Variants in KTN1 observed in about 807,000 individuals in gnomAD.
KTN1 encodes kinectin 1.
Under a neutral mutation model 222.5 loss-of-function variants are expected in KTN1, and 130 were observed. That is an observed-to-expected ratio of 0.58 (90% CI 0.51 to 0.68). The LOEUF (loss-of-function observed/expected upper bound fraction) is 0.68. Ranked by LOEUF, KTN1 falls within the 30% of genes least tolerant of loss-of-function variation. KTN1 has a pLI of 0.00. For missense variants in KTN1, 1,508 were observed against 1,500.4 expected, an observed-to-expected ratio of 1.01 and a Z score of -0.08; for synonymous variants, 512 against 496.3, an observed-to-expected ratio of 1.03 and a Z score of -0.42.
At chr14:55,606,343 G>T (rs1002499577) in intron 1 of KTN1, among the ~76,000 whole-genome samples, 2 of 151,736 alleles carry the variant, frequency 1.3e-5, no homozygotes, top group South Asian at 4.2e-4. Flanking sequence ...TACTGTTTTT[G>T]TTTTTTTCAA....
At chr14:55,616,734 C>T (rs1214281366) in intron 3 of KTN1, 80 bp downstream of exon 3, 7 of 1,113,794 alleles carry the variant, frequency 6.3e-6, no homozygotes, top group Non-Finnish European at 2.6e-6. Context: ...ATCTCACACG[C>T]TCTTTAGCTC....
intron 34 of KTN1, among the ~76,000 whole-genome samples, chr14:55,670,241 C>T (rs2296182): frequency 0.34 from 51,180 of 151,800 alleles, 8,657 homozygotes; most frequent in South Asian, 0.37. Flanking sequence ...AGCATTTTCA[C>T]AGAATTTGAA....
At chr14:55,608,760 G>A (rs537863956) in intron 1 of KTN1, among the ~76,000 whole-genome samples, 1 of 151,990 alleles carries the variant, frequency 6.6e-6, no homozygotes, top group Admixed American at 6.6e-5. Flanking sequence ...CTCCTGAGTA[G>A]CTGGGATTAC....
In KTN1 at chr14:55,619,176, A is replaced by T; in HGVS notation, c.833-6A>T. On this transcript the variant is annotated splice_polypyrimidine_tract_variant and splice_region_variant and intron_variant, in intron 4 of 43. Transcript: ENST00000395314. ...CTCTTTGTTTGTTTGTTTTTTTCAA[A>T]TTAAGAAAATGCTGAAGTGAAGTTT... 1 of 1,596,860 alleles carries T rather than the reference A, an allele frequency of 6.3e-7. No homozygotes were observed. Among genetic ancestry groups the T allele is most frequent in the Non-Finnish European group, 8.6e-7 (1 of 1,169,308 alleles).
At chr14:55,669,581 A>G (rs867107531) in intron 34 of KTN1, among the ~76,000 whole-genome samples, 4 of 152,000 alleles carry the variant, frequency 2.6e-5, no homozygotes, top group African/African-American at 2.4e-5. Context: ...TGAGCAGTCA[A>G]CATAGGAGAG....
intron 8 of KTN1, among the ~76,000 whole-genome samples, 197 bp from the exon 9 acceptor site, chr14:55,634,329 G>A (rs1275307557): frequency 6.6e-6 from 1 of 152,118 alleles, no homozygotes; most frequent in African/African-American, 2.4e-5. Flanking sequence ...AGTGATTTTA[G>A]AATTTGAATA....
chr14:55,675,863 C>G lies in KTN1; in HGVS notation c.3800C>G (p.Thr1267Arg), dbSNP rs144185200. 1.9e-6 allele frequency: 3 copies of G among 1,612,914 alleles called. No homozygotes were observed. The highest frequency in any genetic ancestry group is 1.3e-5 in the African/African-American group (1 of 74,992). Residue 1267 changes from threonine to arginine, a missense_variant, in exon 41 of 44, where the codon ACA (threonine) becomes AGA (arginine). Physicochemically the swap from Thr to Arg is moderately conservative, Grantham distance 71 (BLOSUM62 -1). Coordinates refer to ENST00000395314, the MANE Select transcript of KTN1 (RefSeq NM_001079521.2). ...LLKAQLNETL[T>R]KLRTEQNERQ... ...AAGGCACAGTTAAATGAAACACTCA[C>G]AAAACTTAGAACTGAACAAAATGAA...
intron 1 of KTN1, among the ~76,000 whole-genome samples, chr14:55,609,911 A>G (rs896461413): frequency 6.6e-6 from 1 of 152,168 alleles, no homozygotes; most frequent in Non-Finnish European, 1.5e-5. Flanking sequence ...CTTTTAAAGC[A>G]TTCCTGGTTG....
chr14:55,644,163 C>T (rs770140940), intron 18 of KTN1: 28 of 421,592 alleles, frequency 6.6e-5, no homozygotes, highest in Non-Finnish European at 1.1e-4. Flanking sequence ...GGCTTTTCCT[C>T]TAGTCGTTTT....
rs765431987 is a variant in KTN1 at position 55,684,116 on chromosome 14, A to G, written c.*13A>G. 1 of 1,600,100 alleles carries G rather than the reference A, an allele frequency of 6.2e-7. No homozygotes were observed. The highest frequency in any genetic ancestry group is 1.1e-5 in the South Asian group (1 of 89,378). ...TTTTACAGAGTGAAGTAATTGGGAAACTGTTCATTTGAGGATAAAAAAGGC... is the reference window on the plus strand; with the variant it reads ...TTTTACAGAGTGAAGTAATTGGGAAGCTGTTCATTTGAGGATAAAAAAGGC... On this transcript the variant is annotated 3_prime_UTR_variant, in exon 44 of 44. Coordinates refer to ENST00000395314, the MANE Select transcript of KTN1 (RefSeq NM_001079521.2).
At chr14:55,583,533 A>G (rs1000909260) in intron 1 of KTN1, among the ~76,000 whole-genome samples, 2 of 152,176 alleles carry the variant, frequency 1.3e-5, no homozygotes, top group Non-Finnish European at 2.9e-5. Flanking sequence ...ACTAAATGTA[A>G]TTTGTTTGCA....
rs1016189135 is a variant in KTN1 at position 55,629,053 on chromosome 14, A to G, written c.1081-904A>G. ...CTTTAAAATTGCTTGGCTTTCATGT[A>G]CTTTGATAATTAATATTTGTTCTAG... On this transcript the variant is annotated intron_variant, in intron 6 of 43. Coordinates refer to ENST00000395314, the MANE Select transcript of KTN1 (RefSeq NM_001079521.2). 2.6e-5 allele frequency among the ~76,000 whole-genome samples: 4 copies of G among 152,286 alleles called. No homozygotes were observed. In the East Asian group the frequency reaches 7.7e-4, roughly 29 times the overall value.
intron 13 of KTN1, 115 bp from the exon 14 acceptor site, chr14:55,639,798 A>C: frequency 3.0e-6 from 2 of 663,590 alleles, no homozygotes; most frequent in Non-Finnish European, 5.4e-6. Context: ...GGCTATAGAA[A>C]TGGAAGGTAT....
Position 55,641,161 on chromosome 14 carries a change from G to C in KTN1, c.2056G>C (p.Glu686Gln). Residue 686 changes from glutamate to glutamine, a missense_variant, in exon 17 of 44, where the codon GAA (glutamate) becomes CAA (glutamine). Coordinates refer to ENST00000395314, the MANE Select transcript of KTN1 (RefSeq NM_001079521.2). ...YVKDDKIRLL[E>Q]EQLQHEISNK... Reference sequence around the variant, plus strand: ...TAAAGATGATAAAATAAGATTGCTGGAAGAGCAACTACAACATGAAATTTC... The same window carrying C: ...TAAAGATGATAAAATAAGATTGCTGCAAGAGCAACTACAACATGAAATTTC... 1.3e-6 allele frequency: 2 copies of C among 1,598,628 alleles called. No homozygotes were observed. Among genetic ancestry groups the C allele is most frequent in the Non-Finnish European group, 1.7e-6 (2 of 1,173,056 alleles).
chr14:55,639,305 T>C (rs998036906), intron 13 of KTN1, 83 bp downstream of exon 13: 8 of 979,386 alleles, frequency 8.2e-6, no homozygotes, highest in East Asian at 7.4e-5. Context: ...TGATTAACTT[T>C]ATACCTCTGA....
At chr14:55,663,383 G>T (rs545007394) in intron 32 of KTN1, 1 of 170,302 alleles carries the variant, frequency 5.9e-6, no homozygotes, top group African/African-American at 2.4e-5. Context: ...TGATCAACTA[G>T]CTCATACAAT....
At chr14:55,582,179 T>C (rs1161928492) in intron 1 of KTN1, among the ~76,000 whole-genome samples, 4 of 152,208 alleles carry the variant, frequency 2.6e-5, no homozygotes, top group Admixed American at 2.0e-4. Flanking sequence ...TAACTCTTAA[T>C]GATTCAGCGT....
chr14:55,678,663 C>A, intron 42 of KTN1: 1 of 468,064 alleles, frequency 2.1e-6, no homozygotes, highest in South Asian at 2.5e-5. Context: ...GTCCCCAATT[C>A]CTGGACTGTG....
At chr14:55,636,357 G>T in intron 9 of KTN1, 92 bp from the exon 10 acceptor site, 1 of 900,142 alleles carries the variant, frequency 1.1e-6, no homozygotes, top group Non-Finnish European at 1.7e-6. Context: ...TGATACAACA[G>T]TAAAGGTAGA....
Sources: gnomAD v4.1 joint callset for allele counts (sites outside exome capture counted in the v4.1 genomes callset) on GRCh38, gnomAD v4.1.1 for gene constraint, MANE v1.5 for transcripts, NCBI Gene and HGNC (gene_info 2026-07-23, HGNC 2026-07-21) for gene names.